Variants in EPHB2 observed in about 807,000 individuals in gnomAD.
The protein encoded by EPHB2 is EPH receptor B2, also known as ephrin type-B receptor 2.
A neutral mutation model predicts 96.4 loss-of-function variants in EPHB2; 18 were observed. The ratio of observed to expected loss-of-function variants is 0.19; its 90% CI spans 0.13 to 0.28. The LOEUF is 0.28. Among genes scored for constraint, EPHB2 ranks in the 10% least tolerant of loss-of-function variants. EPHB2 has a pLI of 1.00. For missense variants in EPHB2, 989 were observed against 1,355.4 expected (o/e 0.73, Z 4.25); for synonymous variants, 506 against 534.1 (o/e 0.95, Z 0.72).
Position 22,865,170 on chromosome 1 carries a change from T to A in EPHB2, c.1261T>A (p.Ser421Thr). 6.2e-7 allele frequency: 1 copy of A among 1,614,214 alleles called. No homozygotes were observed. The highest frequency in any genetic ancestry group is 8.5e-7 in the Non-Finnish European group (1 of 1,180,046). ...VNGVTDQSPF[S>T]PQFASVNITT... ...CGGCGTTACTGACCAGAGCCCCTTC[T>A]CGCCTCAGTTCGCCTCTGTGAACAT... Residue 421 changes from serine (S) to threonine (T), a missense_variant, in exon 5 of 16, where the codon TCG becomes ACG. By Grantham distance (58) the Ser-to-Thr change is moderately conservative. Coordinates refer to ENST00000374630, the MANE Select transcript of EPHB2 (RefSeq NM_017449.5).
chr1:22,905,202 AT>A (rs1216704938), intron 9 of EPHB2, among the ~76,000 whole-genome samples: 1 of 152,252 alleles, frequency 6.6e-6, no homozygotes, highest in African/African-American at 2.4e-5. Context: ...GCATAAAAAA[AT>A]AAGTGTTGGA....
chr1:22,873,428 G>A lies in EPHB2; in HGVS notation c.1303+8216G>A, dbSNP rs140816214. Among the ~76,000 whole-genome samples, 122 of 152,284 alleles carry A rather than the reference G, an allele frequency of 8.0e-4. 1 individual carries two copies. In the East Asian group the frequency reaches 0.018, roughly 23 times the overall value. ...GAACCAAGGCAGCAGGCAGACACTC[G>A]CAAGGGCTTTTGCAAGCCTCTGCTT... On this transcript the variant is annotated intron_variant, in intron 5 of 15. Coordinates refer to ENST00000374630, the MANE Select transcript of EPHB2 (RefSeq NM_017449.5).
chr1:22,797,231 A>G (rs940861998), intron 3 of EPHB2, among the ~76,000 whole-genome samples: 18 of 152,154 alleles, frequency 1.2e-4, no homozygotes, highest in Non-Finnish European at 2.4e-4. Context: ...ACACATTGAT[A>G]TCAGACATTC....
rs576092507 is a variant in EPHB2, at chr1:22,898,794, C to A, written c.1765+2316C>A. ...GTTGGATTCTGACATATTTCAAAAGCAGAGCCACTAGATTTGCTGCAGGAC... is the reference window on the plus strand; with the variant it reads ...GTTGGATTCTGACATATTTCAAAAGAAGAGCCACTAGATTTGCTGCAGGAC... On this transcript the variant is annotated intron_variant, in intron 9 of 15. Transcript: ENST00000374630. Among the ~76,000 whole-genome samples the A allele has an allele frequency of 3.9e-5, 6 of 152,292 alleles. No homozygotes were observed. The East Asian group carries it at 1.2e-3, about 29-fold the overall frequency.
At chr1:22,727,489 C>T (rs1210446016) in intron 1 of EPHB2, among the ~76,000 whole-genome samples, 1 of 152,230 alleles carries the variant, frequency 6.6e-6, no homozygotes, top group East Asian at 1.9e-4. Flanking sequence ...CTTGCTGGGC[C>T]TCAGCTCTTC....
At chr1:22,843,774 C>T (rs146728842) in intron 3 of EPHB2, among the ~76,000 whole-genome samples, 47 of 152,362 alleles carry the variant, frequency 3.1e-4, no homozygotes, top group African/African-American at 1.1e-3. Context: ...CTCCTGACCT[C>T]AAGTGATCTG....
At chr1:22,755,369 G>A (rs892397715) in intron 1 of EPHB2, among the ~76,000 whole-genome samples, 21 of 152,118 alleles carry the variant, frequency 1.4e-4, no homozygotes, top group South Asian at 4.1e-4. Flanking sequence ...AACAAAGACC[G>A]AAAAAACATT....
chr1:22,847,262 G>A (rs1645557199), intron 3 of EPHB2, among the ~76,000 whole-genome samples: 1 of 152,214 alleles, frequency 6.6e-6, no homozygotes, highest in Non-Finnish European at 1.5e-5. Flanking sequence ...AAGACAGTTT[G>A]AGGAGCTTGC....
Position 22,754,079 on chromosome 1 carries a change from G to A in EPHB2, c.62-27342G>A, listed in dbSNP as rs141805983. 5.3e-5 allele frequency among the ~76,000 whole-genome samples: 8 copies of A among 152,326 alleles called. No individual in the cohort carries two copies. In the East Asian group the frequency reaches 1.5e-3, roughly 29 times the overall value. On this transcript the variant is annotated intron_variant, in intron 1 of 15. Coordinates refer to ENST00000374630, the MANE Select transcript of EPHB2 (RefSeq NM_017449.5). ...TAAGGACCCCAAATCCTGGGCCTGA[G>A]TGTTCTGTGGGCTCCTTAGGGGGCA...
At chr1:22,817,656 G>A (rs771185644) in intron 3 of EPHB2, among the ~76,000 whole-genome samples, 3 of 152,200 alleles carry the variant, frequency 2.0e-5, no homozygotes, top group Admixed American at 6.5e-5. Context: ...GTATAGACAC[G>A]TACCTAGCAG....
chr1:22,881,814 A>G (rs537511625), intron 5 of EPHB2, among the ~76,000 whole-genome samples: 2 of 152,142 alleles, frequency 1.3e-5, no homozygotes, highest in African/African-American at 4.8e-5. Context: ...GCTGGTCTTG[A>G]ACTCCTGACC....
chr1:22,840,063 G>A (rs886332462), intron 3 of EPHB2, among the ~76,000 whole-genome samples: 2 of 152,098 alleles, frequency 1.3e-5, no homozygotes, highest in African/African-American at 4.8e-5. Flanking sequence ...AATCTTGGAC[G>A]GATATGTGGA....
At chr1:22,855,222 G>T (rs1199572591) in intron 3 of EPHB2, among the ~76,000 whole-genome samples, 1 of 152,204 alleles carries the variant, frequency 6.6e-6, no homozygotes, top group Non-Finnish European at 1.5e-5. Flanking sequence ...AGAGCAAATG[G>T]CAGTGAAGCC....
intron 13 of EPHB2, among the ~76,000 whole-genome samples, chr1:22,909,725 C>T (rs1640032052): frequency 6.6e-6 from 1 of 152,124 alleles, no homozygotes; most frequent in South Asian, 2.1e-4. Context: ...GAAGCCAAAC[C>T]AAGGGATCTC....
intron 3 of EPHB2, among the ~76,000 whole-genome samples, chr1:22,798,960 G>A (rs1644804639): frequency 6.6e-6 from 1 of 152,160 alleles, no homozygotes; most frequent in Non-Finnish European, 1.5e-5. Flanking sequence ...CTAAGGTGGG[G>A]GGGACATGGT....
intron 1 of EPHB2, among the ~76,000 whole-genome samples, chr1:22,770,077 T>G (rs1463029876): frequency 6.6e-6 from 1 of 151,972 alleles, no homozygotes. Flanking sequence ...TTGGGTGATT[T>G]GACGAATAGA....
At chr1:22,792,795 A>G (rs1317832235) in intron 3 of EPHB2, among the ~76,000 whole-genome samples, 1 of 152,182 alleles carries the variant, frequency 6.6e-6, no homozygotes, top group Non-Finnish European at 1.5e-5. Context: ...CCCAGCCTAG[A>G]GATGGTGACA....
intron 5 of EPHB2, among the ~76,000 whole-genome samples, chr1:22,867,866 C>T (rs1490048286): frequency 6.6e-6 from 1 of 152,078 alleles, no homozygotes; most frequent in East Asian, 1.9e-4. Context: ...AGCGAGATTC[C>T]ATCTCGAAGA....
chr1:22,882,812 G>A (rs1434613860), intron 6 of EPHB2: 1 of 353,476 alleles, frequency 2.8e-6, no homozygotes, highest in East Asian at 7.2e-5. Flanking sequence ...GGGAAAAACT[G>A]GGTTTCCAAA....
Sources: gnomAD v4.1 joint callset for allele counts (sites outside exome capture counted in the v4.1 genomes callset) on GRCh38, gnomAD v4.1.1 for gene constraint, MANE v1.5 for transcripts, NCBI Gene and HGNC (gene_info 2026-07-23, HGNC 2026-07-21) for gene names.